LRP1B: variants seen among roughly 807,000 people sequenced by gnomAD.
The protein encoded by LRP1B is low-density lipoprotein receptor-related protein 1B.
A neutral mutation model predicts 556.6 loss-of-function variants in LRP1B; 217 were observed. The ratio of observed to expected loss-of-function variants is 0.39; its 90% CI spans 0.35 to 0.44. LRP1B has a LOEUF of 0.44. Among genes scored for constraint, LRP1B ranks in the 20% least tolerant of loss-of-function variants. The pLI is 1.00. For missense variants in LRP1B, 5,053 were observed against 5,620.8 expected, an observed-to-expected ratio of 0.90 and a Z score of 3.23; for synonymous variants, 2,047 against 1,865.8, an observed-to-expected ratio of 1.10 and a Z score of -2.50.
At chr2:140,291,325 T>TATATATATATATATATG (rs1449270404) in intron 84 of LRP1B, among the ~76,000 whole-genome samples, 1 of 132,678 alleles carries the variant, frequency 7.5e-6, no homozygotes, top group African/African-American at 2.5e-5. Context: ...TATATTTTTA[T>TATATATATATATATATG]TATACTTTAA....
intron 16 of LRP1B, 34 bp from the exon 17 acceptor site, chr2:140,989,691 A>G (rs1697031055): frequency 6.2e-7 from 1 of 1,605,176 alleles, no homozygotes; most frequent in Non-Finnish European, 8.5e-7. Context: ...TTAATTATTT[A>G]AAATTGGATA....
chr2:140,516,194 G>A (rs756801173), intron 50 of LRP1B, among the ~76,000 whole-genome samples: 11 of 152,064 alleles, frequency 7.2e-5, no homozygotes, highest in Middle Eastern at 3.4e-3. Context: ...TATTCAGTCA[G>A]CTCTCCACAT....
intron 3 of LRP1B, among the ~76,000 whole-genome samples, chr2:141,467,839 C>A (rs77032960): frequency 1.7e-5 from 1 of 57,150 alleles, no homozygotes. Context: ...GTTTGCGGAC[C>A]GGGGGGGGGG....
At chr2:141,392,490 GTC>G (rs1690090103) in intron 3 of LRP1B, among the ~76,000 whole-genome samples, 4 of 139,104 alleles carry the variant, frequency 2.9e-5, no homozygotes, top group African/African-American at 1.1e-4. Context: ...AAGAGAGACT[GTC>G]ACTCACTAAA....
intron 37 of LRP1B, among the ~76,000 whole-genome samples, chr2:140,710,903 A>C (rs867336826): frequency 2.0e-5 from 3 of 152,100 alleles, no homozygotes; most frequent in Non-Finnish European, 4.4e-5. Flanking sequence ...GATTCTGAGA[A>C]GTTGAGAAGA....
rs1265078874 is a variant in LRP1B, at chr2:141,566,008, A to G, written c.206-85475T>C. On this transcript the variant is annotated intron_variant, in intron 2 of 90. Transcript: ENST00000389484. Reference sequence around the variant, plus strand: ...TTATAAGAGAGGTTGTAACTTGCCTAAAGGTGCAAGGAATGACCTTATATG... The same window carrying G: ...TTATAAGAGAGGTTGTAACTTGCCTGAAGGTGCAAGGAATGACCTTATATG... Among the ~76,000 whole-genome samples, 5 of 152,200 alleles carry G rather than the reference A, an allele frequency of 3.3e-5. No homozygotes were observed. In the East Asian group the frequency reaches 7.7e-4, roughly 24 times the overall value.
At chr2:140,453,362 T>A (rs1460356530) in intron 62 of LRP1B, among the ~76,000 whole-genome samples, 1 of 152,048 alleles carries the variant, frequency 6.6e-6, no homozygotes, top group Non-Finnish European at 1.5e-5. Context: ...GGAAGATCTC[T>A]TCTATTTCAT....
chr2:141,249,620 CAGAA>C (rs35927316), intron 4 of LRP1B, among the ~76,000 whole-genome samples: 21 of 150,842 alleles, frequency 1.4e-4, no homozygotes, highest in African/African-American at 4.1e-4. Context: ...AATAATAAAA[CAGAA>C]AGAAAGAAAG....
chr2:141,742,937 G>C (rs1693765098), intron 2 of LRP1B, among the ~76,000 whole-genome samples: 1 of 151,352 alleles, frequency 6.6e-6, no homozygotes, highest in Admixed American at 6.6e-5. Context: ...AAATGTTACT[G>C]ATTTTTGTAT....
chr2:141,776,158 T>C (rs1695063985), intron 2 of LRP1B, among the ~76,000 whole-genome samples: 1 of 152,184 alleles, frequency 6.6e-6, no homozygotes, highest in East Asian at 1.9e-4. Context: ...TTTTCCTATA[T>C]TTTTGCCTCA....
chr2:141,355,662 A>T lies in LRP1B; in HGVS notation c.344-101021T>A, dbSNP rs563660242. Among the ~76,000 whole-genome samples the T allele has an allele frequency of 5.9e-5, 9 of 152,240 alleles. 1 individual carries two copies. In the South Asian group the frequency reaches 1.9e-3, roughly 31 times the overall value. Reference sequence around the variant, plus strand: ...CTTTTGTACACTCAAGATAAATTAAAAATTAAAACTCCAAACATCAGACCA... The same window carrying T: ...CTTTTGTACACTCAAGATAAATTAATAATTAAAACTCCAAACATCAGACCA... On this transcript the variant is annotated intron_variant, in intron 3 of 90. Coordinates refer to ENST00000389484, the MANE Select transcript of LRP1B (RefSeq NM_018557.3).
intron 2 of LRP1B, among the ~76,000 whole-genome samples, chr2:141,506,043 A>C (rs1251030125): frequency 6.6e-6 from 1 of 152,020 alleles, no homozygotes; most frequent in Non-Finnish European, 1.5e-5. Flanking sequence ...CCTGTTAGGG[A>C]TAGAAATTCC....
At chr2:141,342,992 C>G (rs1408718486) in intron 3 of LRP1B, among the ~76,000 whole-genome samples, 2 of 152,130 alleles carry the variant, frequency 1.3e-5, no homozygotes, top group Non-Finnish European at 2.9e-5. Flanking sequence ...GGGTTACCCA[C>G]AAAGGGAAGC....
At chr2:141,170,073 T>A (rs1680434381) in intron 7 of LRP1B, among the ~76,000 whole-genome samples, 1 of 152,028 alleles carries the variant, frequency 6.6e-6, no homozygotes, top group Admixed American at 6.6e-5. Context: ...AGGACTAAGT[T>A]AACCCAATGA....
rs11465120 is a variant in LRP1B, at chr2:141,424,113, C to CTTTTTTTT, written c.343+56275_343+56282dup. ...GGAGTTAACTATTACAAGCCTTCAT[C>CTTTTTTTT]TTTTTTTTTTTTTTTTTGAGATGGG... On this transcript the variant is annotated intron_variant, in intron 3 of 90. Coordinates refer to ENST00000389484, the MANE Select transcript of LRP1B (RefSeq NM_018557.3). Among the ~76,000 whole-genome samples, 6 of 136,994 alleles carry CTTTTTTTT rather than the reference C, an allele frequency of 4.4e-5. 1 individual carries two copies. Among genetic ancestry groups the CTTTTTTTT allele is most frequent in the Non-Finnish European group, 1.5e-5 (1 of 64,586 alleles). 89.9% of individuals were successfully genotyped at this position (136,994 alleles called of 152,430 possible).
intron 2 of LRP1B, among the ~76,000 whole-genome samples, chr2:141,675,253 G>T (rs1376961140): frequency 1.3e-5 from 2 of 151,786 alleles, no homozygotes; most frequent in Admixed American, 1.3e-4. Flanking sequence ...CTTGTTAAAA[G>T]TTTTTGGAAA....
intron 83 of LRP1B, among the ~76,000 whole-genome samples, chr2:140,312,580 A>C (rs923077983): frequency 6.6e-6 from 1 of 151,946 alleles, no homozygotes; most frequent in Non-Finnish European, 1.5e-5. Context: ...TCTATTTTTC[A>C]ATAACAAATG....
At chr2:140,951,251 T>G (rs140729085) in intron 19 of LRP1B, among the ~76,000 whole-genome samples, 69 of 152,314 alleles carry the variant, frequency 4.5e-4, no homozygotes, top group African/African-American at 1.6e-3. Flanking sequence ...TATTTGTACT[T>G]GGAAACTGTT....
At chr2:140,456,676 T>C (rs527343628) in intron 61 of LRP1B, 73 bp from the exon 62 acceptor site, 1 of 1,372,810 alleles carries the variant, frequency 7.3e-7, no homozygotes, top group East Asian at 2.3e-5. Context: ...GGATTAGAGA[T>C]AGGACTTTTA....
Sources: allele counts gnomAD v4.1 joint callset (sites outside exome capture counted in the v4.1 genomes callset), GRCh38; gene constraint gnomAD v4.1.1; transcripts MANE v1.5; gene names NCBI Gene and HGNC (gene_info 2026-07-23, HGNC 2026-07-21).